PRPF38B: variants seen among roughly 807,000 people sequenced by gnomAD.
PRPF38B encodes the protein pre-mRNA-splicing factor 38B.
In PRPF38B, 18 loss-of-function variants were observed where a neutral mutation model predicts 67.2. The ratio of observed to expected loss-of-function variants is 0.27; its 90% CI spans 0.19 to 0.40. The LOEUF (loss-of-function observed/expected upper bound fraction) is 0.40. Among genes scored for constraint, PRPF38B ranks in the 10% least tolerant of loss-of-function variants. The pLI, the probability that PRPF38B is intolerant of heterozygous loss-of-function variation, is 1.00. For synonymous variants in PRPF38B, 246 were observed against 234.2 expected (o/e 1.05, Z -0.46); for missense variants, 544 against 684.9 (o/e 0.79, Z 2.30).
chr1:108,697,671 C>T (rs929953732), intron 4 of PRPF38B: 1 of 152,038 alleles, frequency 6.6e-6, no homozygotes, highest in Non-Finnish European at 1.5e-5. Context: ...CTTCTCCCTT[C>T]TGTCTTTAAA....
At position 108,701,286 on chromosome 1, in the gene PRPF38B, A is replaced by G. The variant is rs1403505977; in HGVS notation, c.*1266A>G. ...GTAGAGTCACACTTTGTGTACAGGG[A>G]TGTCTTAGTGCCCAGATGACAAGTG... is the stretch of plus-strand genomic sequence containing the variant. On this transcript the variant is annotated 3_prime_UTR_variant, in exon 6 of 6. Coordinates refer to ENST00000370025, the MANE Select transcript of PRPF38B (RefSeq NM_018061.4). The G allele has an allele frequency of 6.6e-6, 1 of 152,584 alleles. No homozygotes were observed. The highest frequency in any genetic ancestry group is 1.5e-5 in the Non-Finnish European group (1 of 68,026). The allele number at this position is 152,584 out of a possible 1,614,324, so 9.5% of individuals were successfully genotyped here.
At chr1:108,696,420 C>A in intron 4 of PRPF38B, 83 bp downstream of exon 4, 2 of 1,216,332 alleles carry the variant, frequency 1.6e-6, no homozygotes, top group South Asian at 1.4e-5. Context: ...GGTTTAATGT[C>A]TTCAAGAACT....
At chr1:108,695,641 TC>T (rs1206780950) in intron 1 of PRPF38B, 60 bp from the exon 2 acceptor site, 1 of 1,549,104 alleles carries the variant, frequency 6.5e-7, no homozygotes, top group African/African-American at 1.4e-5. Context: ...TTTACTTTTA[TC>T]AGGCTTTTAA....
intron 4 of PRPF38B, chr1:108,698,400 G>A (rs1660094158): frequency 6.3e-6 from 3 of 472,504 alleles, no homozygotes; most frequent in Admixed American, 3.8e-5. Context: ...ATGCCTGTGA[G>A]GCTGCAGGGT....
At chr1:108,692,928 C>T in intron 1 of PRPF38B, 61 bp downstream of exon 1, 1 of 1,529,338 alleles carries the variant, frequency 6.5e-7, no homozygotes, top group Non-Finnish European at 8.8e-7. Context: ...ATGGAGGAAA[C>T]GGGCGAAGGC....
chr1:108,701,787 A>T lies in PRPF38B; in HGVS notation c.*1767A>T, dbSNP rs1460937382. On this transcript the variant is annotated 3_prime_UTR_variant, in exon 6 of 6. Coordinates refer to ENST00000370025, the MANE Select transcript of PRPF38B (RefSeq NM_018061.4). ...CTCCATTTTAGAAAAATCTCATTAA[A>T]TGAATTCTTCTAAAAATGATATGCT... 1.3e-5 allele frequency: 2 copies of T among 152,264 alleles called. No homozygotes were observed. The highest frequency in any genetic ancestry group is 4.1e-4 in the South Asian group (2 of 4,836). The allele number at this position is 152,264 out of a possible 1,614,324, so 9.4% of individuals were successfully genotyped here. A position where few individuals can be genotyped will look rare whatever the true frequency, so the allele number is the denominator to read the frequency against.
intron 4 of PRPF38B, chr1:108,698,214 A>G (rs2101048451): frequency 6.4e-6 from 1 of 157,214 alleles, no homozygotes. Flanking sequence ...GGAATTATCT[A>G]AAGTAGATCA....
rs561621680 is a variant in PRPF38B, at chr1:108,701,958, C to T, written c.*1938C>T. The stretch of plus-strand genomic sequence containing the variant: ...GTGTTGAAAATCTACTTTTAGCATA[C>T]CTAAATTATGGAGCTACTACTTTGG... On this transcript the variant is annotated 3_prime_UTR_variant, in exon 6 of 6. Transcript: ENST00000370025. 7.9e-5 allele frequency among the ~76,000 whole-genome samples: 12 copies of T among 152,212 alleles called. No individual in the cohort carries two copies. The East Asian group carries it at 2.3e-3, about 29-fold the overall frequency.
At chr1:108,693,872 A>C (rs1053725863) in intron 1 of PRPF38B, among the ~76,000 whole-genome samples, 18 of 152,212 alleles carry the variant, frequency 1.2e-4, no homozygotes, top group African/African-American at 4.3e-4. Context: ...GTCTTTAAAA[A>C]TTTTATCCGG....
Position 108,699,387 on chromosome 1 carries a change from T to C in PRPF38B, c.1008T>C (p.His336=), listed in dbSNP as rs754413145. ...ERRRSRSRER[H]RSRSRSRDRK... is the part of the protein sequence containing the mutation. ...GGCGCAGCAGAAGTAGGGAAAGGCA[T>C]AGAAGTCGCAGTCGAAGTCGTGATA... Residue 336 remains histidine (H), a synonymous_variant, in exon 6 of 6, where the codon CAT becomes CAC. Transcript: ENST00000370025. The C allele has an allele frequency of 6.2e-7, 1 of 1,613,534 alleles. No individual in the cohort carries two copies. Among genetic ancestry groups the C allele is most frequent in the East Asian group, 2.2e-5 (1 of 44,840 alleles).
rs1213389097 is a variant in PRPF38B, at chr1:108,701,094, T to C, written c.*1074T>C. The C allele has an allele frequency of 6.6e-6, 1 of 152,628 alleles. No homozygotes were observed. The highest frequency in any genetic ancestry group is 2.4e-5 in the African/African-American group (1 of 41,452). 9.5% of individuals were successfully genotyped at this position (152,628 alleles called of 1,614,324 possible). On this transcript the variant is annotated 3_prime_UTR_variant, in exon 6 of 6. Transcript: ENST00000370025. ...TGCTGTGCTGCATTATTTAAGACTA[T>C]CAGCAAATTATTTGATAGATTGTTC...
chr1:108,697,012 A>G (rs1309957805), intron 4 of PRPF38B: 3 of 481,986 alleles, frequency 6.2e-6, no homozygotes, highest in Non-Finnish European at 1.1e-5. Context: ...GGTGGCTCAC[A>G]TTGTAATCCC....
chr1:108,694,126 A>G (rs1289280344), intron 1 of PRPF38B, among the ~76,000 whole-genome samples: 2 of 152,234 alleles, frequency 1.3e-5, no homozygotes, highest in Admixed American at 1.3e-4. Flanking sequence ...AAAGTACACA[A>G]ATAAATTTGG....
chr1:108,692,738 C>G lies in PRPF38B; in HGVS notation c.147C>G (p.Leu49=), dbSNP rs772620540. 4.3e-6 allele frequency: 7 copies of G among 1,613,976 alleles called. No individual in the cohort carries two copies. Among genetic ancestry groups the G allele is most frequent in the South Asian group, 2.2e-5 (2 of 91,088 alleles). Residue 49 remains leucine (L), a synonymous_variant, in exon 1 of 6, where the codon CTC becomes CTG. Transcript: ENST00000370025. Reference sequence around the variant, plus strand: ...GCAAGCAGGGCAATGTGCTCCCGCTCTGGGGCAACGAGAAGACCATGAACC... The same window carrying G: ...GCAAGCAGGGCAATGTGCTCCCGCTGTGGGGCAACGAGAAGACCATGAACC... ...VSGKQGNVLP[L]WGNEKTMNLN...
chr1:108,699,125 T>C, intron 5 of PRPF38B, 37 bp from the exon 6 acceptor site: 1 of 1,554,226 alleles, frequency 6.4e-7, no homozygotes, highest in Non-Finnish European at 8.6e-7. Flanking sequence ...ATATGTTTTA[T>C]TCATTGAAAT....
rs568232062 is a variant in PRPF38B at position 108,692,707 on chromosome 1, T to C, written c.116T>C (p.Val39Ala). 1.4e-4 allele frequency: 230 copies of C among 1,613,222 alleles called. 3 individuals carry two copies. In the South Asian group the frequency reaches 2.4e-3, roughly 16 times the overall value. ...CGGGGATKPA[V>A]SGKQGNVLPL... is the part of the protein sequence containing the mutation. ...GGCGGCGGCGCTACCAAGCCGGCGG[T>C]CTCCGGCAAGCAGGGCAATGTGCTC... Residue 39 changes from valine (V) to alanine (A), a missense_variant, in exon 1 of 6, where the codon GTC becomes GCC. Transcript: ENST00000370025.
Position 108,699,763 on chromosome 1 carries a change from G to A in PRPF38B, c.1384G>A (p.Glu462Lys). 1 of 1,613,110 alleles carries A rather than the reference G, an allele frequency of 6.2e-7. No homozygotes were observed. The highest frequency in any genetic ancestry group is 8.5e-7 in the Non-Finnish European group (1 of 1,179,806). The change falls in exon 6 of 6, where the codon GAA (glutamate) becomes AAA (lysine). Residue 462 changes from glutamate to lysine, a missense_variant. Physicochemically the swap from Glu to Lys is moderately conservative, Grantham distance 56 (BLOSUM62 1). Transcript: ENST00000370025. Reference protein sequence around the residue: ...SKEKSSKHKNESKEKSNKRSR... With the variant: ...SKEKSSKHKNKSKEKSNKRSR... The stretch of plus-strand genomic sequence containing the variant: ...AGAGAAATCAAGTAAACATAAAAAT[G>A]AAAGTAAAGAAAAATCAAATAAACG...
intron 4 of PRPF38B, chr1:108,697,180 T>G (rs1176606250): frequency 6.3e-6 from 1 of 158,454 alleles, no homozygotes; most frequent in African/African-American, 2.4e-5. Flanking sequence ...GAGACAGAAT[T>G]TGCTGTGAGC....
rs1028338701 is a variant in PRPF38B at position 108,696,518 on chromosome 1, A to C, written c.558+181A>C. On this transcript the variant is annotated intron_variant, in intron 4 of 5. Coordinates refer to ENST00000370025, the MANE Select transcript of PRPF38B (RefSeq NM_018061.4). ...GATGGCTTTTATGTATTTTAGGGTAAATTTCTGAAGTTTTATTTTCTTGTT... is the reference window on the plus strand; with the variant it reads ...GATGGCTTTTATGTATTTTAGGGTACATTTCTGAAGTTTTATTTTCTTGTT... 4.8e-6 allele frequency: 3 copies of C among 623,620 alleles called. No individual in the cohort carries two copies. The African/African-American group carries it at 5.6e-5, about 12-fold the overall frequency. The allele number at this position is 623,620 out of a possible 1,614,324, so 38.6% of individuals were successfully genotyped here.
Sources: allele counts gnomAD v4.1 joint callset (sites outside exome capture counted in the v4.1 genomes callset), GRCh38; gene constraint gnomAD v4.1.1; transcripts MANE v1.5; gene names NCBI Gene and HGNC (gene_info 2026-07-23, HGNC 2026-07-21).